PRELID2: variants seen among roughly 807,000 people sequenced by gnomAD.
PRELID2 encodes PRELI domain containing 2.
In PRELID2, 25 loss-of-function variants were observed where a neutral mutation model predicts 28.4. The observed-to-expected ratio is 0.88, with a 90% CI of 0.64 to 1.23. The LOEUF (loss-of-function observed/expected upper bound fraction) is 1.23. PRELID2 is among the 50% of genes most tolerant of loss of function. PRELID2 has a pLI of 0.00. For synonymous variants in PRELID2, 76 were observed against 71.6 expected (o/e 1.06, Z -0.31); for missense variants, 201 against 214.4 (o/e 0.94, Z 0.39).
chr5:145,324,187 TATGTA>T, the PRELID2 span, among the ~76,000 whole-genome samples: 3 of 152,164 alleles, frequency 2.0e-5, no homozygotes, highest in Non-Finnish European at 4.4e-5. Flanking sequence ...TCATTTAAGG[TATGTA>T]TAAGGTGACA....
intron 1 of PRELID2, among the ~76,000 whole-genome samples, chr5:145,632,510 T>C (rs62392262): frequency 0.012 from 1,767 of 152,302 alleles, 17 homozygotes; most frequent in Non-Finnish European, 0.017. Context: ...TAATAATTCA[T>C]AAACCACAAA....
At position 145,532,748 on chromosome 5, in the gene PRELID2, G is replaced by T. The variant is rs112157267; in HGVS notation, n.71-59433C>A. On this transcript the variant is annotated intron_variant and non_coding_transcript_variant, in intron 1 of 2. Transcript: ENST00000510259. ...TTCTGTGCCTGGCTCATTTCACTAAGCATAATTTCCTCTGGGTTAATCCAT... is the reference window on the plus strand; with the variant it reads ...TTCTGTGCCTGGCTCATTTCACTAATCATAATTTCCTCTGGGTTAATCCAT... Among the ~76,000 whole-genome samples, 6 of 152,124 alleles carry T rather than the reference G, an allele frequency of 3.9e-5. 1 individual carries two copies. The highest frequency in any genetic ancestry group is 1.4e-4 in the African/African-American group (6 of 41,518).
the PRELID2 span, among the ~76,000 whole-genome samples, chr5:145,445,396 C>G: frequency 1.3e-5 from 2 of 151,958 alleles, no homozygotes; most frequent in Admixed American, 6.6e-5. Flanking sequence ...AATCAAAGAC[C>G]TATATGTAAG....
chr5:145,514,318 C>CAAAAAAAA (rs55760860), intron 1 of PRELID2, among the ~76,000 whole-genome samples: 733 of 67,314 alleles, frequency 0.011, 13 homozygotes, highest in African/African-American at 0.04. Flanking sequence ...AAATGGAAAG[C>CAAAAAAAA]AAAAAAAAAA....
the PRELID2 span, among the ~76,000 whole-genome samples, chr5:145,398,248 C>T: frequency 5.3e-5 from 8 of 152,092 alleles, no homozygotes; most frequent in Non-Finnish European, 1.5e-5. Context: ...TTCATGTCCC[C>T]TGGGGCAACT....
chr5:145,833,885 C>T (rs962915951), intron 1 of PRELID2, among the ~76,000 whole-genome samples: 4 of 152,238 alleles, frequency 2.6e-5, no homozygotes, highest in African/African-American at 4.8e-5. Flanking sequence ...TGGTACAACC[C>T]CTTCATCTTA....
At chr5:145,433,971 A>C in the PRELID2 span, among the ~76,000 whole-genome samples, 6 of 152,186 alleles carry the variant, frequency 3.9e-5, no homozygotes, top group Non-Finnish European at 5.9e-5. Flanking sequence ...AGGCAGTCTC[A>C]GGATGTTGAC....
intron 1 of PRELID2, among the ~76,000 whole-genome samples, chr5:145,639,624 G>A (rs1319044785): frequency 2.6e-5 from 4 of 151,992 alleles, no homozygotes; most frequent in South Asian, 2.1e-4. Flanking sequence ...TCAAACTTAC[G>A]CTTCTATCTG....
the PRELID2 span, among the ~76,000 whole-genome samples, chr5:145,310,830 C>T: frequency 2.6e-5 from 4 of 151,912 alleles, no homozygotes; most frequent in Non-Finnish European, 4.4e-5. Flanking sequence ...AAAAGGCAGA[C>T]ATCAGGTGGA....
the PRELID2 span, among the ~76,000 whole-genome samples, chr5:145,335,029 T>A: frequency 6.6e-6 from 1 of 152,080 alleles, no homozygotes; most frequent in African/African-American, 2.4e-5. Flanking sequence ...TGTGAAGATT[T>A]TGTCTATTAT....
chr5:145,251,010 T>G, the PRELID2 span, among the ~76,000 whole-genome samples: 641 of 152,238 alleles, frequency 4.2e-3, 2 homozygotes, highest in African/African-American at 0.015. Context: ...AACATACTTG[T>G]TTTTGAAATG....
intron 4 of PRELID2, among the ~76,000 whole-genome samples, chr5:145,805,963 AAC>A (rs1200602202): frequency 6.6e-6 from 1 of 152,170 alleles, no homozygotes; most frequent in Non-Finnish European, 1.5e-5. Context: ...TACAAAATGA[AAC>A]ACACTTACCA....
At chr5:145,318,237 A>G in the PRELID2 span, among the ~76,000 whole-genome samples, 1 of 152,178 alleles carries the variant, frequency 6.6e-6, no homozygotes, top group Non-Finnish European at 1.5e-5. Flanking sequence ...TGCCTTCTAT[A>G]TTAAAGAAGA....
the PRELID2 span, among the ~76,000 whole-genome samples, chr5:145,357,204 A>C: frequency 6.6e-6 from 1 of 152,036 alleles, no homozygotes; most frequent in Non-Finnish European, 1.5e-5. Context: ...AGAATCTGAT[A>C]ATGATGTGTT....
At chr5:145,393,861 T>C in the PRELID2 span, among the ~76,000 whole-genome samples, 53,651 of 152,074 alleles carry the variant, frequency 0.35, 10,142 homozygotes, top group East Asian at 0.75. Flanking sequence ...AGTGAAATTC[T>C]GTGCATTGTG....
the PRELID2 span, among the ~76,000 whole-genome samples, chr5:145,318,238 T>C: frequency 6.6e-6 from 1 of 152,290 alleles, no homozygotes; most frequent in South Asian, 2.1e-4. Flanking sequence ...GCCTTCTATA[T>C]TAAAGAAGAT....
At chr5:145,655,288 T>C (rs1481320590) in intron 1 of PRELID2, among the ~76,000 whole-genome samples, 1 of 152,068 alleles carries the variant, frequency 6.6e-6, no homozygotes, top group Non-Finnish European at 1.5e-5. Flanking sequence ...TGCTCATGGA[T>C]AGGAAGAATC....
chr5:145,506,036 G>A (rs1370968586), intron 1 of PRELID2, among the ~76,000 whole-genome samples: 1 of 152,168 alleles, frequency 6.6e-6, no homozygotes, highest in Admixed American at 6.5e-5. Context: ...GAGGTCTGAT[G>A]TACAACATTG....
downstream of PRELID2, among the ~76,000 whole-genome samples, chr5:145,467,058 G>A (rs2910270): frequency 6.6e-6 from 1 of 151,932 alleles, no homozygotes; most frequent in East Asian, 1.9e-4. Context: ...TAATGCCCAC[G>A]AGCATCTCCC....
Sources: allele counts gnomAD v4.1 joint callset (sites outside exome capture counted in the v4.1 genomes callset), GRCh38; gene constraint gnomAD v4.1.1; transcripts MANE v1.5; gene names NCBI Gene and HGNC (gene_info 2026-07-23, HGNC 2026-07-21).